Variants in NAP1L1 observed in about 807,000 individuals in gnomAD.
NAP1L1 encodes nucleosome assembly protein 1 like 1.
NAP1L1 carries 9 observed loss-of-function variants against 58.9 expected under a neutral mutation model. That is an observed-to-expected ratio of 0.15 (90% CI 0.09 to 0.27). The LOEUF is 0.27. Ranked by LOEUF, NAP1L1 falls within the 10% of genes least tolerant of loss-of-function variation. The pLI, the probability that NAP1L1 is intolerant of heterozygous loss-of-function variation, is 1.00. For missense variants in NAP1L1, 302 were observed against 458.8 expected, an observed-to-expected ratio of 0.66 and a Z score of 3.12; for synonymous variants, 130 against 138.3, an observed-to-expected ratio of 0.94 and a Z score of 0.42.
intron 6 of NAP1L1, chr12:76,056,362 T>C: frequency 1.9e-6 from 1 of 517,076 alleles, no homozygotes; most frequent in Non-Finnish European, 3.4e-6. Flanking sequence ...AGAGAACCAC[T>C]AAGGTGACCA....
chr12:76,078,275 C>A (rs1950273790), intron 1 of NAP1L1, among the ~76,000 whole-genome samples: 1 of 152,058 alleles, frequency 6.6e-6, no homozygotes, highest in South Asian at 2.1e-4. Flanking sequence ...AATGCTATAT[C>A]CTCAAGAATA....
At chr12:76,048,776 A>ATTCTCCTAATTATTC (rs1265721508) in intron 14 of NAP1L1, among the ~76,000 whole-genome samples, 2 of 152,142 alleles carry the variant, frequency 1.3e-5, no homozygotes, top group African/African-American at 4.8e-5. Flanking sequence ...TCCTAATATA[A>ATTCTCCTAATTATTC]CAAATTCTCA....
intron 4 of NAP1L1, among the ~76,000 whole-genome samples, chr12:76,065,177 CA>C (rs1949604692): frequency 6.6e-6 from 1 of 151,396 alleles, no homozygotes. Context: ...ATTTCCAAAA[CA>C]TGTATTTACT....
Position 76,059,856 on chromosome 12 carries a change from A to G in NAP1L1, c.371T>C (p.Ile124Thr). The G allele has an allele frequency of 6.3e-7, 1 of 1,594,750 alleles. No homozygotes were observed. The highest frequency in any genetic ancestry group is 8.5e-7 in the Non-Finnish European group (1 of 1,173,884). The stretch of plus-strand genomic sequence containing the variant: ...ACATTCTTCTTCCGTAGGTTCATAA[A>G]TTGCATTAATAATTTCAAATCGCTA... ...FDKRFEIINA[I>T]YEPTEEECEW... is the part of the protein sequence containing the mutation. The change falls in exon 6 of 15, where the codon ATT becomes ACT. Residue 124 changes from isoleucine to threonine, a missense_variant. Ile to Thr is a moderately conservative substitution (Grantham distance 89, BLOSUM62 -1). Coordinates refer to ENST00000618691, the MANE Select transcript of NAP1L1 (RefSeq NM_004537.7).
chr12:76,056,297 G>A (rs1021296641), intron 6 of NAP1L1, 136 bp from the exon 7 acceptor site: 30 of 853,834 alleles, frequency 3.5e-5, no homozygotes, highest in Middle Eastern at 2.6e-4. Flanking sequence ...AAACACCGCC[G>A]TTGCCCATAA....
intron 1 of NAP1L1, 54 bp from the exon 2 acceptor site, chr12:76,074,293 A>G: frequency 6.6e-7 from 1 of 1,504,376 alleles, no homozygotes; most frequent in Non-Finnish European, 8.8e-7. Context: ...ATTAAAAAAA[A>G]ATAAGAAACC....
At chr12:76,081,323 G>A (rs1950399805) in intron 1 of NAP1L1, among the ~76,000 whole-genome samples, 1 of 152,096 alleles carries the variant, frequency 6.6e-6, no homozygotes. Context: ...AATTAAATGA[G>A]CTAATAATAC....
At chr12:76,075,728 A>G (rs940861403) in intron 1 of NAP1L1, among the ~76,000 whole-genome samples, 2 of 152,242 alleles carry the variant, frequency 1.3e-5, no homozygotes, top group African/African-American at 4.8e-5. Context: ...TCCAAGTAGG[A>G]TTCCAGTTTG....
intron 3 of NAP1L1, 46 bp from the exon 4 acceptor site, chr12:76,067,519 A>G (rs373937757): frequency 2.7e-6 from 4 of 1,476,462 alleles, no homozygotes; most frequent in Non-Finnish European, 3.7e-6. Context: ...ATGAAAATGT[A>G]TTATGCTTTT....
intron 11 of NAP1L1, among the ~76,000 whole-genome samples, chr12:76,051,330 T>TA (rs60701145): frequency 0.31 from 46,108 of 146,424 alleles, 7,720 homozygotes; most frequent in East Asian, 0.44. Flanking sequence ...AATAGAAAAA[T>TA]AAAAAAAAAA....
intron 1 of NAP1L1, among the ~76,000 whole-genome samples, chr12:76,083,473 CAA>C (rs34033928): frequency 0.018 from 1,534 of 87,282 alleles, 8 homozygotes; most frequent in Non-Finnish European, 0.024. Flanking sequence ...CTTTTTTTTC[CAA>C]AAAAAAAAAA....
At position 76,047,839 on chromosome 12, in the gene NAP1L1, G is replaced by C. The variant is rs185119843; in HGVS notation, c.*590C>G. 6.6e-6 allele frequency: 1 copy of C among 152,150 alleles called. No individual in the cohort carries two copies. The highest frequency in any genetic ancestry group is 1.5e-5 in the Non-Finnish European group (1 of 67,956). 9.4% of individuals were successfully genotyped at this position (152,150 alleles called of 1,614,324 possible). ...ACTGTGGTACCAGTAACTATACTGA[G>C]TCAGGTTACTTTACAGTTAACTATG... On this transcript the variant is annotated 3_prime_UTR_variant, in exon 15 of 15. Transcript: ENST00000618691.
chr12:76,073,635 A>G (rs2137081897), intron 2 of NAP1L1, among the ~76,000 whole-genome samples: 1 of 152,310 alleles, frequency 6.6e-6, no homozygotes, highest in Middle Eastern at 3.4e-3. Context: ...CTTTGTGATC[A>G]CTATTCAGAT....
rs1001964278 is a variant in NAP1L1 at position 76,070,908 on chromosome 12, T to C, written c.18-1914A>G. On this transcript the variant is annotated intron_variant, in intron 2 of 14. Transcript: ENST00000618691. ...ATGCTGGGCCAGACAAAGTGGCTCA[T>C]GCCTACAATCCCAACATTCCGGAAG... Among the ~76,000 whole-genome samples, 4 of 152,178 alleles carry C rather than the reference T, an allele frequency of 2.6e-5. No homozygotes were observed. The East Asian group carries it at 7.7e-4, about 29-fold the overall frequency.
intron 6 of NAP1L1, chr12:76,057,804 A>T (rs1291787058): frequency 6.5e-7 from 1 of 1,550,296 alleles, no homozygotes; most frequent in Admixed American, 2.0e-5. Context: ...CAGCAGGGGA[A>T]GAAGAGGAGA....
chr12:76,058,039 AC>A (rs1949202895), intron 6 of NAP1L1: 1 of 784,926 alleles, frequency 1.3e-6, no homozygotes, highest in Non-Finnish European at 2.4e-6. Flanking sequence ...ATTCAAGGAG[AC>A]TTTACAGATG....
At chr12:76,059,774 T>C (rs778283613) in intron 6 of NAP1L1, 24 bp downstream of exon 6, 17 of 1,507,384 alleles carry the variant, frequency 1.1e-5, no homozygotes, top group Non-Finnish European at 1.6e-5. Flanking sequence ...CTTAAAAACA[T>C]ACCAAAATAA....
chr12:76,075,894 T>A lies in NAP1L1; in HGVS notation c.-20-1655A>T, dbSNP rs1297727815. Among the ~76,000 whole-genome samples the A allele has an allele frequency of 4.6e-5, 7 of 152,252 alleles. No homozygotes were observed. In the South Asian group the frequency reaches 1.5e-3, roughly 32 times the overall value. ...ACATGTCCATCTCAGCCAGGCACCA[T>A]GGCTCACACCTGCAATCCCAGCACT... On this transcript the variant is annotated intron_variant, in intron 1 of 14. Coordinates refer to ENST00000618691, the MANE Select transcript of NAP1L1 (RefSeq NM_004537.7).
In NAP1L1 at chr12:76,046,503, CAT is replaced by C. The variant is rs1948610956; in HGVS notation, c.*1924_*1925del. On this transcript the variant is annotated 3_prime_UTR_variant, in exon 15 of 15. Coordinates refer to ENST00000618691, the MANE Select transcript of NAP1L1 (RefSeq NM_004537.7). ...GAACTATGGTTAAAAAAAAAAAGCA[CAT>C]AGTGTCTAATCAAAGCAAAGGAAAT... is the stretch of plus-strand genomic sequence containing the variant. 1 of 151,184 alleles carries C rather than the reference CAT, an allele frequency of 6.6e-6. No homozygotes were observed. The highest frequency in any genetic ancestry group is 1.5e-5 in the Non-Finnish European group (1 of 67,568). The allele number at this position is 151,184 out of a possible 1,614,324, so 9.4% of individuals were successfully genotyped here. A position where few individuals can be genotyped will look rare whatever the true frequency, so the allele number is the denominator to read the frequency against.
Sources: gnomAD v4.1 joint callset for allele counts (sites outside exome capture counted in the v4.1 genomes callset) on GRCh38, gnomAD v4.1.1 for gene constraint, MANE v1.5 for transcripts, NCBI Gene and HGNC (gene_info 2026-07-23, HGNC 2026-07-21) for gene names.